The following LRRC4C variants were observed in gnomAD, a reference collection of about 807,000 sequenced individuals.
The protein encoded by LRRC4C is leucine-rich repeat-containing protein 4C.
In LRRC4C, 5 loss-of-function variants were observed where a neutral mutation model predicts 33.6. The observed-to-expected ratio is 0.15, with a 90% CI of 0.08 to 0.31. LRRC4C has a LOEUF of 0.31. Among genes scored for constraint, LRRC4C ranks in the 10% least tolerant of loss-of-function variants. LRRC4C has a pLI of 1.00. For missense variants in LRRC4C, 560 were observed against 796.7 expected, an observed-to-expected ratio of 0.70 and a Z score of 3.58; for synonymous variants, 329 against 302.0, an observed-to-expected ratio of 1.09 and a Z score of -0.93.
At chr11:41,295,599 A>ATTT (rs55977602) in intron 1 of LRRC4C, among the ~76,000 whole-genome samples, 16 of 146,456 alleles carry the variant, frequency 1.1e-4, no homozygotes, top group African/African-American at 3.8e-4. Context: ...GGCAACAAAC[A>ATTT]TTTTTTTTTT....
intron 1 of LRRC4C, among the ~76,000 whole-genome samples, chr11:41,041,517 G>C (rs952844067): frequency 1.1e-4 from 17 of 150,866 alleles, no homozygotes; most frequent in Non-Finnish European, 2.4e-4. Flanking sequence ...AAGTAGACTT[G>C]CATAGTACTC....
At chr11:40,990,016 A>G (rs1853398556) in intron 1 of LRRC4C, among the ~76,000 whole-genome samples, 1 of 151,436 alleles carries the variant, frequency 6.6e-6, no homozygotes, top group Non-Finnish European at 1.5e-5. Flanking sequence ...CTCAAATACT[A>G]CACAATCTTA....
At chr11:40,376,902 T>C (rs915559700) in intron 3 of LRRC4C, among the ~76,000 whole-genome samples, 6 of 152,114 alleles carry the variant, frequency 3.9e-5, no homozygotes, top group African/African-American at 1.4e-4. Context: ...TACATACAAA[T>C]ATTGAGCAAG....
chr11:41,261,014 T>G (rs1053247208), intron 1 of LRRC4C, among the ~76,000 whole-genome samples: 22 of 152,136 alleles, frequency 1.4e-4, no homozygotes, highest in African/African-American at 5.1e-4. Context: ...TTATTATTAT[T>G]TTGCCAGCAT....
chr11:40,529,923 A>G (rs1387655129), intron 3 of LRRC4C, among the ~76,000 whole-genome samples: 1 of 152,098 alleles, frequency 6.6e-6, no homozygotes, highest in East Asian at 1.9e-4. Flanking sequence ...AACCTATGTA[A>G]CAAACCTGCG....
At chr11:40,332,443 AT>A (rs1946404969) in intron 3 of LRRC4C, among the ~76,000 whole-genome samples, 1 of 152,128 alleles carries the variant, frequency 6.6e-6, no homozygotes, top group Non-Finnish European at 1.5e-5. Flanking sequence ...TCCTGATCTC[AT>A]TTTAACCTGA....
At chr11:40,772,667 T>C (rs1264832486) in intron 2 of LRRC4C, among the ~76,000 whole-genome samples, 1 of 152,196 alleles carries the variant, frequency 6.6e-6, no homozygotes, top group East Asian at 1.9e-4. Context: ...CTCACCCCTG[T>C]TAAAATGGCT....
chr11:41,378,129 A>G (rs1031447284), intron 1 of LRRC4C, among the ~76,000 whole-genome samples: 4 of 152,104 alleles, frequency 2.6e-5, no homozygotes, highest in African/African-American at 9.7e-5. Context: ...AATTTATATT[A>G]AAATAAGAGT....
chr11:41,327,102 C>T (rs943990083), intron 1 of LRRC4C, among the ~76,000 whole-genome samples: 2 of 152,116 alleles, frequency 1.3e-5, no homozygotes, highest in African/African-American at 2.4e-5. Flanking sequence ...TTGGGTCAAA[C>T]GTGGTATAGC....
At chr11:40,634,659 C>T (rs1008894805) in intron 3 of LRRC4C, among the ~76,000 whole-genome samples, 8 of 151,528 alleles carry the variant, frequency 5.3e-5, no homozygotes, top group Admixed American at 5.3e-4. Context: ...CCCTTGAGCC[C>T]GGGAGTTAGA....
At chr11:40,640,483 A>G (rs1046508073) in intron 3 of LRRC4C, among the ~76,000 whole-genome samples, 2 of 152,018 alleles carry the variant, frequency 1.3e-5, no homozygotes, top group Non-Finnish European at 2.9e-5. Flanking sequence ...ATACCTAGAG[A>G]AACAAATATA....
At chr11:40,997,538 A>C (rs1165418494) in intron 1 of LRRC4C, among the ~76,000 whole-genome samples, 1 of 152,168 alleles carries the variant, frequency 6.6e-6, no homozygotes, top group African/African-American at 2.4e-5. Context: ...AATGAAGGAA[A>C]GGTATGCAAT....
At chr11:41,047,788 T>A (rs1248866640) in intron 1 of LRRC4C, among the ~76,000 whole-genome samples, 2 of 152,132 alleles carry the variant, frequency 1.3e-5, no homozygotes, top group Admixed American at 1.3e-4. Flanking sequence ...AAGTCTTTTA[T>A]GTTCCAAGAA....
intron 3 of LRRC4C, among the ~76,000 whole-genome samples, chr11:40,362,896 T>C (rs1401742637): frequency 6.6e-6 from 1 of 152,112 alleles, no homozygotes; most frequent in African/African-American, 2.4e-5. Context: ...ATGGCTATTA[T>C]TAAAAAGCCA....
chr11:40,308,644 C>T (rs1945156273), intron 4 of LRRC4C, among the ~76,000 whole-genome samples: 1 of 151,674 alleles, frequency 6.6e-6, no homozygotes, highest in African/African-American at 2.4e-5. Flanking sequence ...CAACCACAAA[C>T]TTTTTTTTTC....
intron 4 of LRRC4C, chr11:40,293,290 C>CTTTTTT (rs1212777989): frequency 6.8e-6 from 1 of 146,822 alleles, no homozygotes. Flanking sequence ...CCCCCCGCTA[C>CTTTTTT]TTTTTTTTTT....
chr11:41,228,780 T>A (rs895919543), intron 1 of LRRC4C, among the ~76,000 whole-genome samples: 5 of 152,158 alleles, frequency 3.3e-5, no homozygotes, highest in Admixed American at 2.0e-4. Flanking sequence ...GCTGCATGTC[T>A]GGTTAATTTA....
At chr11:40,813,178 TC>T (rs1317564000) in intron 2 of LRRC4C, among the ~76,000 whole-genome samples, 3 of 152,202 alleles carry the variant, frequency 2.0e-5, no homozygotes, top group Admixed American at 1.3e-4. Context: ...ATTCCTTCTT[TC>T]TTATATTACA....
At chr11:41,381,326 A>C (rs185120258) in intron 1 of LRRC4C, among the ~76,000 whole-genome samples, 16 of 152,284 alleles carry the variant, frequency 1.1e-4, no homozygotes, top group Non-Finnish European at 1.5e-5. Flanking sequence ...AAGTAGGTTC[A>C]ATATAGTTAA....
Sources: allele counts gnomAD v4.1 joint callset (sites outside exome capture counted in the v4.1 genomes callset), GRCh38; gene constraint gnomAD v4.1.1; transcripts MANE v1.5; gene names NCBI Gene and HGNC (gene_info 2026-07-23, HGNC 2026-07-21).